Variants in SNX6 observed in about 807,000 individuals in gnomAD.
The protein encoded by SNX6 is sorting nexin 6.
In SNX6, 34 loss-of-function variants were observed where a neutral mutation model predicts 63.0. The observed-to-expected ratio is 0.54, with a 90% CI of 0.41 to 0.72. The LOEUF is 0.72. Ranked by LOEUF, SNX6 falls within the 30% of genes least tolerant of loss-of-function variation. SNX6 has a pLI of 0.00. For synonymous variants in SNX6, 170 were observed against 164.2 expected (o/e 1.04, Z -0.27); for missense variants, 398 against 471.4 (o/e 0.84, Z 1.44).
At position 34,629,191 on chromosome 14, in the gene SNX6, G is replaced by A. The variant is rs139129066; in HGVS notation, c.54+716C>T. Among the ~76,000 whole-genome samples the A allele has an allele frequency of 2.5e-3, 379 of 151,908 alleles. 1 individual carries two copies. Among genetic ancestry groups the A allele is most frequent in the African/African-American group, 7.2e-3 (298 of 41,436 alleles). ...TGATGGATATGTCAGGTTGATTTTG[G>A]TACTCATTTCACAATGTATTCGTGT... is the stretch of plus-strand genomic sequence containing the variant. On this transcript the variant is annotated intron_variant, in intron 2 of 13. Coordinates refer to ENST00000362031, the MANE Select transcript of SNX6 (RefSeq NM_152233.4).
chr14:34,564,538 T>C lies in SNX6; in HGVS notation c.1168-1363A>G, dbSNP rs577959978. Among the ~76,000 whole-genome samples, 4 of 152,104 alleles carry C rather than the reference T, an allele frequency of 2.6e-5. No individual in the cohort carries two copies. In the East Asian group the frequency reaches 5.8e-4, roughly 22 times the overall value. On this transcript the variant is annotated intron_variant, in intron 13 of 13. Transcript: ENST00000362031. ...AGGTCAGAAAGAACTTGAAAAAGTA[T>C]AGAATCTGGCCAGGCGCGGTGGTTC...
chr14:34,563,603 T>C (rs888769824), intron 13 of SNX6, among the ~76,000 whole-genome samples: 6 of 151,942 alleles, frequency 3.9e-5, no homozygotes, highest in Admixed American at 2.6e-4. Flanking sequence ...TTAGAAGTCA[T>C]ATGACTTTAT....
chr14:34,606,679 T>C (rs1247761963), intron 4 of SNX6, among the ~76,000 whole-genome samples: 2 of 152,182 alleles, frequency 1.3e-5, no homozygotes, highest in Non-Finnish European at 1.5e-5. Context: ...CTCAAACTCC[T>C]GACCTCAGAT....
intron 10 of SNX6, among the ~76,000 whole-genome samples, chr14:34,578,049 A>G (rs1372612033): frequency 6.6e-6 from 1 of 151,512 alleles, no homozygotes; most frequent in Non-Finnish European, 1.5e-5. Flanking sequence ...CCGTCTCTAC[A>G]TAAAAATTAG....
chr14:34,568,810 G>A, intron 11 of SNX6: 1 of 1,016,296 alleles, frequency 9.8e-7, no homozygotes, highest in Non-Finnish European at 1.6e-6. Context: ...CCCCTCCAGG[G>A]CTTGGAGGAC....
At chr14:34,590,355 G>T (rs1335152820) in intron 8 of SNX6, among the ~76,000 whole-genome samples, 2 of 151,490 alleles carry the variant, frequency 1.3e-5, no homozygotes, top group Admixed American at 1.3e-4. Flanking sequence ...GTAAACCCAG[G>T]AGGTGGAGCT....
chr14:34,619,445 TAGAGAG>T (rs368306371), intron 2 of SNX6, among the ~76,000 whole-genome samples: 14 of 148,128 alleles, frequency 9.5e-5, no homozygotes, highest in East Asian at 5.9e-4. Context: ...TATATATATT[TAGAGAG>T]AGAGAGAGAG....
chr14:34,574,794 G>T (rs1441966267), intron 11 of SNX6, among the ~76,000 whole-genome samples: 3 of 151,948 alleles, frequency 2.0e-5, no homozygotes, highest in Admixed American at 2.0e-4. Flanking sequence ...CCAAACTCAG[G>T]TGATCCACCC....
intron 11 of SNX6, chr14:34,569,046 C>G (rs1299468266): frequency 1.5e-6 from 2 of 1,369,290 alleles, no homozygotes; most frequent in South Asian, 1.2e-5. Flanking sequence ...CGGGGACTTT[C>G]AGCTTCCCAG....
At chr14:34,580,289 T>G (rs571733222) in intron 10 of SNX6, among the ~76,000 whole-genome samples, 1 of 152,262 alleles carries the variant, frequency 6.6e-6, no homozygotes, top group East Asian at 1.9e-4. Context: ...GCATCTGGGT[T>G]GCTGGTAATT....
At chr14:34,629,225 A>G (rs1012239844) in intron 2 of SNX6, among the ~76,000 whole-genome samples, 5 of 152,146 alleles carry the variant, frequency 3.3e-5, no homozygotes, top group Non-Finnish European at 7.3e-5. Context: ...GTATTAAAAT[A>G]TAATGTATAC....
intron 2 of SNX6, among the ~76,000 whole-genome samples, chr14:34,626,707 A>G (rs764452748): frequency 6.6e-6 from 1 of 151,504 alleles, no homozygotes. Context: ...CAAATTACTT[A>G]AGGGCTTCCA....
At chr14:34,583,692 A>G (rs1882036684) in intron 9 of SNX6, among the ~76,000 whole-genome samples, 2 of 152,120 alleles carry the variant, frequency 1.3e-5, no homozygotes, top group Admixed American at 1.3e-4. Flanking sequence ...GACATCATAA[A>G]TGAATTAGGG....
intron 8 of SNX6, among the ~76,000 whole-genome samples, chr14:34,587,441 G>A (rs1413021893): frequency 1.4e-5 from 2 of 144,050 alleles, no homozygotes; most frequent in Non-Finnish European, 3.0e-5. Flanking sequence ...GCTGTGGCAG[G>A]AGAATGGCGT....
intron 10 of SNX6, among the ~76,000 whole-genome samples, chr14:34,576,602 C>A (rs1246256855): frequency 1.3e-5 from 2 of 151,662 alleles, no homozygotes; most frequent in Non-Finnish European, 2.9e-5. Context: ...GCATGCACTG[C>A]CACGCCTGGC....
At position 34,629,919 on chromosome 14, in the gene SNX6, T is replaced by C. The variant is rs1883976551; in HGVS notation, c.42A>G (p.Glu14=). 1.3e-6 allele frequency: 2 copies of C among 1,554,382 alleles called. No individual in the cohort carries two copies. The highest frequency in any genetic ancestry group is 2.0e-5 in the Admixed American group (1 of 49,814). The part of the protein sequence containing the change: ...GLDDGPDFLS[E]EDRGLKAINV... ...AGGCAGAACTTACTCCGCGGTCCTC[T>C]TCTGAGAGGAAGTCCGGGCCGTCGT... The change falls in exon 2 of 14, where the codon GAA becomes GAG. Residue 14 remains glutamate (E), a synonymous_variant. Coordinates refer to ENST00000362031, the MANE Select transcript of SNX6 (RefSeq NM_152233.4).
intron 11 of SNX6, 76 bp from the exon 12 acceptor site, chr14:34,568,089 A>G: frequency 8.3e-7 from 1 of 1,204,412 alleles, no homozygotes; most frequent in Non-Finnish European, 1.2e-6. Context: ...CACTGTCACC[A>G]CCACCACAAC....
At position 34,595,808 on chromosome 14, in the gene SNX6, C is replaced by T. The variant is rs545780315; in HGVS notation, c.612+1742G>A. Among the ~76,000 whole-genome samples the T allele has an allele frequency of 3.9e-5, 6 of 152,228 alleles. No homozygotes were observed. The South Asian group carries it at 1.2e-3, about 32-fold the overall frequency. On this transcript the variant is annotated intron_variant, in intron 7 of 13. Transcript: ENST00000362031. ...AAAACAGGCAATGATGACAAAGCAG[C>T]ATTCTTTTTTTTCCTAGTATTTGCT... is the stretch of plus-strand genomic sequence containing the variant.
intron 3 of SNX6, among the ~76,000 whole-genome samples, 158 bp downstream of exon 3, chr14:34,609,480 C>CAA (rs398024759): frequency 0.35 from 22,611 of 65,114 alleles, 5,010 homozygotes; most frequent in East Asian, 0.68. Flanking sequence ...GACTCCGTCT[C>CAA]AAAAAAAAAA....
Sources: allele counts gnomAD v4.1 joint callset (sites outside exome capture counted in the v4.1 genomes callset), GRCh38; gene constraint gnomAD v4.1.1; transcripts MANE v1.5; gene names NCBI Gene and HGNC (gene_info 2026-07-23, HGNC 2026-07-21).